The following PPARGC1A variants were observed in gnomAD, a reference collection of about 807,000 sequenced individuals.
PPARGC1A encodes PPARG coactivator 1 alpha, also known as peroxisome proliferator-activated receptor gamma coactivator 1-alpha.
PPARGC1A carries 25 observed loss-of-function variants against 88.7 expected under a neutral mutation model. The ratio of observed to expected loss-of-function variants is 0.28; its 90% CI spans 0.21 to 0.39. PPARGC1A has a LOEUF of 0.39. Ranked by LOEUF, PPARGC1A falls within the 10% of genes least tolerant of loss-of-function variation. The pLI is 1.00. For synonymous variants in PPARGC1A, 363 were observed against 355.6 expected (o/e 1.02, Z -0.24); for missense variants, 880 against 968.7 (o/e 0.91, Z 1.22).
the PPARGC1A span, among the ~76,000 whole-genome samples, chr4:24,312,859 C>T: frequency 2.6e-5 from 4 of 151,766 alleles, no homozygotes; most frequent in South Asian, 6.2e-4. Flanking sequence ...AGAAAGATTT[C>T]AAATTTTAAG....
chr4:24,118,646 A>C, the PPARGC1A span, among the ~76,000 whole-genome samples: 29 of 152,326 alleles, frequency 1.9e-4, 2 homozygotes, highest in African/African-American at 6.7e-4. Context: ...CCATTCTAGA[A>C]ACAGATAAAT....
At chr4:24,134,868 G>A in the PPARGC1A span, among the ~76,000 whole-genome samples, 3 of 152,254 alleles carry the variant, frequency 2.0e-5, no homozygotes, top group East Asian at 5.8e-4. Context: ...GCACCTGGCT[G>A]GCACAGGAAA....
chr4:24,082,900 G>A, the PPARGC1A span, among the ~76,000 whole-genome samples: 1 of 152,140 alleles, frequency 6.6e-6, no homozygotes, highest in Non-Finnish European at 1.5e-5. Context: ...AGATACCACA[G>A]AGAGAATTGA....
At chr4:24,239,301 G>A in the PPARGC1A span, among the ~76,000 whole-genome samples, 14 of 152,310 alleles carry the variant, frequency 9.2e-5, no homozygotes, top group Non-Finnish European at 1.6e-4. Flanking sequence ...CAAGAAAACT[G>A]CAAGTGTGCT....
At chr4:24,205,488 A>T in the PPARGC1A span, among the ~76,000 whole-genome samples, 1 of 152,244 alleles carries the variant, frequency 6.6e-6, no homozygotes, top group East Asian at 1.9e-4. Context: ...GAGAGGCTTC[A>T]GGTATAAAGG....
chr4:24,213,399 C>G, the PPARGC1A span, among the ~76,000 whole-genome samples: 1 of 152,062 alleles, frequency 6.6e-6, no homozygotes, highest in Non-Finnish European at 1.5e-5. Context: ...ATCTCCTGAC[C>G]TCGTGATCCG....
At chr4:23,937,577 CTCCTT>C in the PPARGC1A span, among the ~76,000 whole-genome samples, 1 of 152,022 alleles carries the variant, frequency 6.6e-6, no homozygotes, top group African/African-American at 2.4e-5. Context: ...ATTTTGTTGA[CTCCTT>C]TCAACATTTT....
At chr4:24,455,423 A>G in the PPARGC1A span, among the ~76,000 whole-genome samples, 1 of 152,250 alleles carries the variant, frequency 6.6e-6, no homozygotes, top group African/African-American at 2.4e-5. Context: ...TAAGGCTGCA[A>G]TAGCCATCAT....
the PPARGC1A span, among the ~76,000 whole-genome samples, chr4:24,255,133 A>C: frequency 2.6e-5 from 4 of 152,310 alleles, no homozygotes; most frequent in East Asian, 7.7e-4. Flanking sequence ...GTGTAAATAT[A>C]CATTTAAAGA....
At chr4:24,380,980 TA>T in the PPARGC1A span, among the ~76,000 whole-genome samples, 9,399 of 134,222 alleles carry the variant, frequency 0.07, 319 homozygotes, top group Non-Finnish European at 0.09. Flanking sequence ...CTGTGTGATT[TA>T]AAAAAAAAAA....
chr4:24,207,704 T>TA, the PPARGC1A span, among the ~76,000 whole-genome samples: 1 of 152,166 alleles, frequency 6.6e-6, no homozygotes, highest in Non-Finnish European at 1.5e-5. Context: ...CTTCCCAATT[T>TA]AAAAAAATTT....
At chr4:23,922,830 G>A in the PPARGC1A span, among the ~76,000 whole-genome samples, 5 of 152,256 alleles carry the variant, frequency 3.3e-5, no homozygotes, top group African/African-American at 7.2e-5. Flanking sequence ...GCTTCCACAC[G>A]CAATTTACTA....
the PPARGC1A span, among the ~76,000 whole-genome samples, chr4:24,086,892 C>T: frequency 6.6e-6 from 1 of 152,146 alleles, no homozygotes; most frequent in South Asian, 2.1e-4. Flanking sequence ...CATTTTATAG[C>T]TGAGAAAACT....
At chr4:24,107,082 T>A in the PPARGC1A span, among the ~76,000 whole-genome samples, 1 of 152,226 alleles carries the variant, frequency 6.6e-6, no homozygotes, top group East Asian at 1.9e-4. Context: ...TTCAAAATTA[T>A]TAATGAACAC....
At chr4:24,325,718 A>G in the PPARGC1A span, among the ~76,000 whole-genome samples, 74 of 152,268 alleles carry the variant, frequency 4.9e-4, no homozygotes, top group African/African-American at 1.6e-3. Context: ...AGACCACCAC[A>G]GATGCCGAGC....
At chr4:23,930,465 T>C in the PPARGC1A span, among the ~76,000 whole-genome samples, 1 of 152,202 alleles carries the variant, frequency 6.6e-6, no homozygotes, top group Non-Finnish European at 1.5e-5. Context: ...GGTTCTCTAA[T>C]ATCTTAAAGA....
the PPARGC1A span, among the ~76,000 whole-genome samples, chr4:24,433,161 CT>C: frequency 6.6e-6 from 1 of 152,072 alleles, no homozygotes; most frequent in South Asian, 2.1e-4. Flanking sequence ...GTTTTTTAAA[CT>C]TTTTATATAA....
the PPARGC1A span, among the ~76,000 whole-genome samples, chr4:24,047,085 C>T: frequency 6.6e-6 from 1 of 152,172 alleles, no homozygotes; most frequent in Non-Finnish European, 1.5e-5. Context: ...TCTCCTATTC[C>T]ATTATTCATT....
At chr4:23,895,073 C>A (rs927325480), upstream of PPARGC1A, among the ~76,000 whole-genome samples, 2 of 110,676 alleles carry the variant, frequency 1.8e-5, no homozygotes, top group African/African-American at 7.7e-5. Flanking sequence ...CATAACATTT[C>A]ATTTACTAAG....
Sources: gnomAD v4.1 joint callset for allele counts (sites outside exome capture counted in the v4.1 genomes callset) on GRCh38, gnomAD v4.1.1 for gene constraint, MANE v1.5 for transcripts, NCBI Gene and HGNC (gene_info 2026-07-23, HGNC 2026-07-21) for gene names.